Variants in NOL4 observed in about 807,000 individuals in gnomAD.
The protein encoded by NOL4 is nucleolar protein 4, also known as cancer/testis antigen 125.
NOL4 carries 17 observed loss-of-function variants against 75.9 expected under a neutral mutation model. The observed-to-expected ratio is 0.22, with a 90% CI of 0.15 to 0.34. NOL4 has a LOEUF of 0.34. Among genes scored for constraint, NOL4 ranks in the 10% least tolerant of loss-of-function variants. NOL4 has a pLI of 1.00. For synonymous variants in NOL4, 292 were observed against 289.9 expected, an observed-to-expected ratio of 1.01 and a Z score of -0.07; for missense variants, 614 against 793.5, an observed-to-expected ratio of 0.77 and a Z score of 2.72.
At chr18:33,886,813 A>C (rs1462191160) in intron 9 of NOL4, among the ~76,000 whole-genome samples, 1 of 143,646 alleles carries the variant, frequency 7.0e-6, no homozygotes, top group East Asian at 2.0e-4. Flanking sequence ...ACGTATATAG[A>C]TATATCTATA....
Position 33,958,435 on chromosome 18 carries a change from A to G in NOL4, c.1057-17T>C. The G allele has an allele frequency of 6.3e-7, 1 of 1,577,386 alleles. No individual in the cohort carries two copies. Among genetic ancestry groups the G allele is most frequent in the Non-Finnish European group, 8.6e-7 (1 of 1,160,614 alleles). ...TGCAGGAGACTGAAAAGAGAAGGTGAAATAACTGCTTTTAAATTCATTGCA... is the reference window on the plus strand; with the variant it reads ...TGCAGGAGACTGAAAAGAGAAGGTGGAATAACTGCTTTTAAATTCATTGCA... On this transcript the variant is annotated splice_polypyrimidine_tract_variant and intron_variant, in intron 6 of 10. Coordinates refer to ENST00000261592, the MANE Select transcript of NOL4 (RefSeq NM_003787.5).
rs2037488331 is a variant in NOL4, at chr18:34,224,200, G to GGACT, written c.-951_-948dup. 6.6e-6 allele frequency: 1 copy of GGACT among 152,304 alleles called. No homozygotes were observed. Among genetic ancestry groups the GGACT allele is most frequent in the African/African-American group, 2.4e-5 (1 of 41,472 alleles). 9.4% of individuals were successfully genotyped at this position (152,304 alleles called of 1,614,324 possible). On this transcript the variant is annotated 5_prime_UTR_variant, in exon 1 of 11. An upstream open reading frame in the 5' UTR gains an earlier in-frame stop. Coordinates refer to ENST00000261592, the MANE Select transcript of NOL4 (RefSeq NM_003787.5). ...CGAATAATGATGGGACCCCCAGACA[G>GGACT]GACTCCTCTGGTTTCTGCTGAACAA...
At chr18:34,140,497 G>A (rs1240103526) in intron 1 of NOL4, among the ~76,000 whole-genome samples, 1 of 152,068 alleles carries the variant, frequency 6.6e-6, no homozygotes, top group Non-Finnish European at 1.5e-5. Context: ...GACTAGGATT[G>A]CAACCCCTGC....
At chr18:34,171,029 T>G (rs1243681597) in intron 1 of NOL4, among the ~76,000 whole-genome samples, 1 of 152,216 alleles carries the variant, frequency 6.6e-6, no homozygotes, top group Admixed American at 6.5e-5. Context: ...TTTGAGGGAA[T>G]AAATATTTGA....
chr18:34,221,962 C>T, intron 1 of NOL4: 13 of 1,438,708 alleles, frequency 9.0e-6, no homozygotes, highest in Non-Finnish European at 1.2e-5. Context: ...CAAAGCGAGG[C>T]AAAAATACAA....
chr18:34,167,044 CAAAAAAAAAAAAAAAAAAA>C lies in NOL4; in HGVS notation c.265-37043_265-37025del, dbSNP rs1174730527. ...TGGGCGACAGAGCGAGACTCCGTCT[CAAAAAAAAAAAAAAAAAAA>C]AAAAAAAAAAAAAAAAATAGTAAAA... is the stretch of plus-strand genomic sequence containing the variant. On this transcript the variant is annotated intron_variant, in intron 1 of 10. Transcript: ENST00000261592. Among the ~76,000 whole-genome samples the C allele has an allele frequency of 6.2e-3, 35 of 5,664 alleles. 5 individuals carry two copies. Among genetic ancestry groups the C allele is most frequent in the East Asian group, 0.021 (3 of 146 alleles). 3.7% of individuals were successfully genotyped at this position (5,664 alleles called of 152,430 possible).
At chr18:34,200,772 T>C (rs570245802) in intron 1 of NOL4, among the ~76,000 whole-genome samples, 1 of 151,610 alleles carries the variant, frequency 6.6e-6, no homozygotes, top group African/African-American at 2.4e-5. Flanking sequence ...AAATAAGAAA[T>C]GTATTGTTGA....
rs2063146293 is a variant in NOL4, at chr18:33,861,757, A to G, written c.1724-8722T>C. Among the ~76,000 whole-genome samples, 3 of 152,150 alleles carry G rather than the reference A, an allele frequency of 2.0e-5. No homozygotes were observed. The South Asian group carries it at 6.2e-4, about 32-fold the overall frequency. On this transcript the variant is annotated intron_variant, in intron 10 of 10. Transcript: ENST00000261592. ...AAGGAGAACTACAAACCACTGCTCA[A>G]TTAAATAAAAGAGGATACAAACAAA... is the stretch of plus-strand genomic sequence containing the variant.
At chr18:34,146,947 T>C (rs899845777) in intron 1 of NOL4, among the ~76,000 whole-genome samples, 2 of 152,078 alleles carry the variant, frequency 1.3e-5, no homozygotes, top group African/African-American at 4.8e-5. Flanking sequence ...CCCTTGTAAG[T>C]TGGATTCCTA....
chr18:34,075,679 G>T (rs950191567), intron 5 of NOL4, among the ~76,000 whole-genome samples: 1 of 152,232 alleles, frequency 6.6e-6, no homozygotes, highest in East Asian at 1.9e-4. Context: ...TTAGAGACAC[G>T]GTCAAGGTGA....
chr18:33,980,201 T>G (rs1318793030), intron 6 of NOL4, among the ~76,000 whole-genome samples: 2 of 151,984 alleles, frequency 1.3e-5, no homozygotes, highest in African/African-American at 4.8e-5. Context: ...GAAACCCACA[T>G]CCATGGGAAC....
chr18:34,061,243 G>A (rs992971575), intron 5 of NOL4, among the ~76,000 whole-genome samples: 1 of 152,064 alleles, frequency 6.6e-6, no homozygotes, highest in Middle Eastern at 3.2e-3. Flanking sequence ...ATAGATATAT[G>A]AAAGATATTT....
chr18:33,993,049 A>G (rs1207100749), intron 6 of NOL4, among the ~76,000 whole-genome samples: 1 of 151,994 alleles, frequency 6.6e-6, no homozygotes, highest in African/African-American at 2.4e-5. Flanking sequence ...ACTAAACTGT[A>G]GGGCAGTTAA....
chr18:33,863,464 G>T (rs61597343), intron 10 of NOL4, among the ~76,000 whole-genome samples: 23,635 of 152,108 alleles, frequency 0.16, 2,078 homozygotes, highest in Non-Finnish European at 0.2. Flanking sequence ...GGGGATACAG[G>T]CATTGCATAA....
chr18:34,039,022 A>C (rs1478931126), intron 5 of NOL4, among the ~76,000 whole-genome samples: 1 of 152,056 alleles, frequency 6.6e-6, no homozygotes, highest in African/African-American at 2.4e-5. Context: ...AAGTATGTGA[A>C]GTATTATGTA....
intron 10 of NOL4, among the ~76,000 whole-genome samples, chr18:33,882,130 A>G (rs2064323687): frequency 6.6e-6 from 1 of 152,230 alleles, no homozygotes; most frequent in South Asian, 2.1e-4. Context: ...ATTACCATTC[A>G]GGACATAGGC....
intron 1 of NOL4, among the ~76,000 whole-genome samples, chr18:34,207,955 A>C (rs2036237342): frequency 6.6e-6 from 1 of 152,138 alleles, no homozygotes; most frequent in African/African-American, 2.4e-5. Flanking sequence ...GCTATTAGTG[A>C]AAATGGGAGG....
intron 6 of NOL4, among the ~76,000 whole-genome samples, chr18:34,007,839 T>C (rs1326864748): frequency 1.3e-5 from 2 of 151,946 alleles, no homozygotes; most frequent in Admixed American, 6.6e-5. Flanking sequence ...TTTTTTTTAT[T>C]TGGAGATTCA....
chr18:33,861,376 T>C (rs2063117909), intron 10 of NOL4, among the ~76,000 whole-genome samples: 1 of 152,218 alleles, frequency 6.6e-6, no homozygotes, highest in Admixed American at 6.5e-5. Context: ...AGTGTATGCG[T>C]CAAGGAATTT....
Sources: allele counts gnomAD v4.1 joint callset (sites outside exome capture counted in the v4.1 genomes callset), GRCh38; gene constraint gnomAD v4.1.1; transcripts MANE v1.5; gene names NCBI Gene and HGNC (gene_info 2026-07-23, HGNC 2026-07-21).